BICRAL: variants seen among roughly 807,000 people sequenced by gnomAD.
BICRAL encodes BRD4-interacting chromatin-remodeling complex-associated protein-like.
A neutral mutation model predicts 91.8 loss-of-function variants in BICRAL; 8 were observed. That is an observed-to-expected ratio of 0.09 (90% CI 0.05 to 0.16). The LOEUF is 0.16. BICRAL is among the 10% of genes least tolerant of loss of function. BICRAL has a pLI of 1.00. For synonymous variants in BICRAL, 445 were observed against 491.1 expected (o/e 0.91, Z 1.24); for missense variants, 1,038 against 1,310.9 (o/e 0.79, Z 3.21).
intron 1 of BICRAL, among the ~76,000 whole-genome samples, chr6:42,791,610 A>G (rs995237161): frequency 1.3e-5 from 2 of 152,152 alleles, no homozygotes; most frequent in African/African-American, 4.8e-5. Context: ...TGAGACCCTG[A>G]TGGGTTCTAA....
At chr6:42,804,520 A>G (rs753310982) in intron 1 of BICRAL, among the ~76,000 whole-genome samples, 4 of 152,216 alleles carry the variant, frequency 2.6e-5, no homozygotes, top group Non-Finnish European at 5.9e-5. Flanking sequence ...ATTTTACTCA[A>G]GACCTTTAGG....
At chr6:42,814,499 G>GTGTATATATATATATATATATATATA (rs374054837) in intron 2 of BICRAL, among the ~76,000 whole-genome samples, 1 of 61,270 alleles carries the variant, frequency 1.6e-5, no homozygotes, top group African/African-American at 7.9e-5. Context: ...GTGTGTGTGT[G>GTGTATATATATATATATATATATATA]TATATATATA....
At chr6:42,835,095 G>A (rs1320200964) in intron 6 of BICRAL, among the ~76,000 whole-genome samples, 2 of 151,370 alleles carry the variant, frequency 1.3e-5, no homozygotes, top group East Asian at 3.9e-4. Context: ...TTCCATATTT[G>A]TATATTTGTA....
intron 6 of BICRAL, among the ~76,000 whole-genome samples, chr6:42,839,097 C>G (rs999772757): frequency 2.0e-5 from 3 of 150,102 alleles, no homozygotes; most frequent in East Asian, 2.0e-4. Flanking sequence ...CTACTTGGGA[C>G]GCTGAGGCAG....
At chr6:42,833,344 G>A (rs528693661) in intron 6 of BICRAL, among the ~76,000 whole-genome samples, 4 of 152,004 alleles carry the variant, frequency 2.6e-5, no homozygotes, top group Non-Finnish European at 4.4e-5. Context: ...CACCGCGCCC[G>A]GCCCAGGCTA....
intron 1 of BICRAL, among the ~76,000 whole-genome samples, chr6:42,770,393 T>C (rs1762699879): frequency 6.9e-6 from 1 of 144,554 alleles, no homozygotes; most frequent in African/African-American, 2.6e-5. Flanking sequence ...CATGCCCGGC[T>C]AATTTTATTA....
At chr6:42,856,622 C>T (rs1765366379) in intron 9 of BICRAL, among the ~76,000 whole-genome samples, 1 of 152,032 alleles carries the variant, frequency 6.6e-6, no homozygotes, top group Non-Finnish European at 1.5e-5. Flanking sequence ...GATCCACCCA[C>T]CTCAGCCTCC....
At chr6:42,809,289 GT>G in intron 1 of BICRAL, among the ~76,000 whole-genome samples, 1 of 152,048 alleles carries the variant, frequency 6.6e-6, no homozygotes, top group South Asian at 2.1e-4. Flanking sequence ...TATGGCTGCT[GT>G]TAGGCTTATT....
intron 1 of BICRAL, among the ~76,000 whole-genome samples, chr6:42,767,223 CTG>C (rs1427239614): frequency 3.3e-5 from 5 of 152,068 alleles, no homozygotes; most frequent in African/African-American, 9.7e-5. Context: ...AGAGGAAAAA[CTG>C]TGTTGTATGT....
At chr6:42,841,841 A>G (rs1374531701) in intron 6 of BICRAL, among the ~76,000 whole-genome samples, 1 of 152,212 alleles carries the variant, frequency 6.6e-6, no homozygotes, top group African/African-American at 2.4e-5. Flanking sequence ...GGGGGTTCAG[A>G]GCTTGGACAA....
At chr6:42,770,667 C>T (rs1306954436) in intron 1 of BICRAL, among the ~76,000 whole-genome samples, 1 of 151,706 alleles carries the variant, frequency 6.6e-6, no homozygotes, top group Non-Finnish European at 1.5e-5. Context: ...CCACCCGCCT[C>T]GGCCTCCCAA....
intron 2 of BICRAL, among the ~76,000 whole-genome samples, chr6:42,813,005 T>C (rs559672479): frequency 1.6e-4 from 24 of 151,594 alleles, no homozygotes; most frequent in Non-Finnish European, 2.8e-4. Flanking sequence ...ACTGCACTGC[T>C]GCTTGGGCAG....
Position 42,805,772 on chromosome 6 carries a change from C to T in BICRAL, c.-101-4534C>T, listed in dbSNP as rs564263138. ...ATCCCAGCACTTTGGAAGGCCGAGA[C>T]GGGTGGATCACAAGGTCAGGAGATT... On this transcript the variant is annotated intron_variant, in intron 1 of 12. Transcript: ENST00000314073. Among the ~76,000 whole-genome samples, 233 of 152,100 alleles carry T rather than the reference C, an allele frequency of 1.5e-3. 1 individual carries two copies. Among genetic ancestry groups the T allele is most frequent in the Non-Finnish European group, 1.4e-3 (95 of 67,982 alleles).
chr6:42,781,883 C>G (rs1333937038), upstream of BICRAL: 1 of 148,126 alleles, frequency 6.8e-6, no homozygotes, highest in East Asian at 1.9e-4. Context: ...GAGCGGTTTG[C>G]CCGGGCGCAG....
intron 1 of BICRAL, among the ~76,000 whole-genome samples, chr6:42,764,099 G>A (rs377440096): frequency 2.7e-5 from 4 of 150,464 alleles, no homozygotes; most frequent in East Asian, 4.0e-4. Flanking sequence ...AAAATTAGCC[G>A]GGTGTGGTGG....
chr6:42,864,630 A>G (rs901206106), intron 12 of BICRAL, 29 bp from the exon 13 acceptor site: 11 of 1,587,830 alleles, frequency 6.9e-6, no homozygotes, highest in Non-Finnish European at 8.6e-6. Flanking sequence ...CCAATCACTC[A>G]CTAATGTTCT....
chr6:42,778,504 T>C (rs888741442), upstream of BICRAL, among the ~76,000 whole-genome samples: 4 of 152,232 alleles, frequency 2.6e-5, no homozygotes, highest in African/African-American at 9.6e-5. Context: ...TGGTGGCACT[T>C]AGAAGACCTT....
chr6:42,753,001 A>T (rs1400417696), intron 1 of BICRAL, among the ~76,000 whole-genome samples: 1 of 141,636 alleles, frequency 7.1e-6, no homozygotes, highest in East Asian at 2.1e-4. Flanking sequence ...ATCTCGGCTC[A>T]CTGCAACCTC....
intron 1 of BICRAL, among the ~76,000 whole-genome samples, chr6:42,766,357 C>G (rs1762632631): frequency 6.6e-6 from 1 of 152,184 alleles, no homozygotes; most frequent in African/African-American, 2.4e-5. Context: ...GATTCTGCTT[C>G]TACCTTCATG....
Sources: gnomAD v4.1 joint callset for allele counts (sites outside exome capture counted in the v4.1 genomes callset) on GRCh38, gnomAD v4.1.1 for gene constraint, MANE v1.5 for transcripts, NCBI Gene and HGNC (gene_info 2026-07-23, HGNC 2026-07-21) for gene names.